ANXA7: variants seen among roughly 807,000 people sequenced by gnomAD.
ANXA7 encodes the protein annexin VII.
ANXA7 carries 55 observed loss-of-function variants against 64.9 expected under a neutral mutation model. That is an observed-to-expected ratio of 0.85 (90% CI 0.68 to 1.06). The LOEUF is 1.06. ANXA7 is among the 50% of genes least tolerant of loss of function. ANXA7 has a pLI of 0.00. For missense variants in ANXA7, 548 were observed against 582.1 expected, an observed-to-expected ratio of 0.94 and a Z score of 0.60; for synonymous variants, 200 against 192.4, an observed-to-expected ratio of 1.04 and a Z score of -0.33.
chr10:73,399,820 C>CAA (rs111273580), intron 2 of ANXA7, among the ~76,000 whole-genome samples: 1 of 150,140 alleles, frequency 6.7e-6, no homozygotes, highest in African/African-American at 2.5e-5. Context: ...GACTCCATCT[C>CAA]AAAAACAAAA....
chr10:73,377,826 C>CAT (rs373575890), intron 12 of ANXA7, among the ~76,000 whole-genome samples: 1 of 122,518 alleles, frequency 8.2e-6, no homozygotes, highest in Non-Finnish European at 1.7e-5. Flanking sequence ...TAGGTTTCAC[C>CAT]GTGTGTGTGT....
In ANXA7 at chr10:73,375,989, A is replaced by T. The variant is rs2055162631; in HGVS notation, c.*106T>A. The T allele has an allele frequency of 1.0e-6, 1 of 959,280 alleles. No individual in the cohort carries two copies. Among genetic ancestry groups the T allele is most frequent in the African/African-American group, 1.7e-5 (1 of 59,784 alleles). 59.4% of individuals were successfully genotyped at this position (959,280 alleles called of 1,614,324 possible). On this transcript the variant is annotated 3_prime_UTR_variant, in exon 13 of 13. Transcript: ENST00000372921. ...TACCCTGATACGGTCCTTGACAGAA[A>T]GCTCTTTCGGTTAGCTGATGTTTGA... is the stretch of plus-strand genomic sequence containing the variant.
In ANXA7 at chr10:73,383,167, A is replaced by G; in HGVS notation, c.918+8T>C. The G allele has an allele frequency of 4.3e-6, 7 of 1,609,864 alleles. No individual in the cohort carries two copies. The highest frequency in any genetic ancestry group is 5.9e-6 in the Non-Finnish European group (7 of 1,177,306). Reference sequence around the variant, plus strand: ...CTATCAACGCACAAGCATTCATACTATACTCACCTGGCACATGGACACAAG... The same window carrying G: ...CTATCAACGCACAAGCATTCATACTGTACTCACCTGGCACATGGACACAAG... On this transcript the variant is annotated splice_region_variant and intron_variant, in intron 9 of 12. Coordinates refer to ENST00000372921, the MANE Select transcript of ANXA7 (RefSeq NM_001156.5).
At chr10:73,408,766 AG>A (rs2055797199) in intron 1 of ANXA7, among the ~76,000 whole-genome samples, 1 of 152,258 alleles carries the variant, frequency 6.6e-6, no homozygotes, top group Admixed American at 6.5e-5. Context: ...TATATGTACA[AG>A]GCTATTCACT....
At chr10:73,379,324 T>C (rs2055236340) in intron 11 of ANXA7, among the ~76,000 whole-genome samples, 1 of 152,172 alleles carries the variant, frequency 6.6e-6, no homozygotes, top group Admixed American at 6.6e-5. Context: ...CTACTGCCCC[T>C]GGCCCAACAT....
chr10:73,379,997 G>T, intron 10 of ANXA7, 34 bp downstream of exon 10: 1 of 1,612,240 alleles, frequency 6.2e-7, no homozygotes, highest in Non-Finnish European at 8.5e-7. Context: ...GTATCTTACA[G>T]CAGAAGCCAA....
intron 11 of ANXA7, 72 bp downstream of exon 11, chr10:73,379,807 T>C: frequency 7.1e-7 from 1 of 1,414,790 alleles, no homozygotes. Context: ...TTATCAACAT[T>C]TAATGGGAAC....
intron 5 of ANXA7, among the ~76,000 whole-genome samples, chr10:73,393,067 C>T (rs1347588672): frequency 2.0e-5 from 3 of 152,088 alleles, no homozygotes; most frequent in African/African-American, 7.2e-5. Flanking sequence ...AACAGACAAA[C>T]AGAGAGCCAA....
chr10:73,376,242 C>T, intron 12 of ANXA7, 25 bp from the exon 13 acceptor site: 3 of 1,534,568 alleles, frequency 2.0e-6, no homozygotes, highest in Non-Finnish European at 2.6e-6. Context: ...ATATTTCTGT[C>T]AGAAAAACAT....
chr10:73,395,193 A>G (rs1385581857), intron 5 of ANXA7, among the ~76,000 whole-genome samples: 3 of 152,188 alleles, frequency 2.0e-5, no homozygotes, highest in African/African-American at 7.2e-5. Flanking sequence ...TTTGTCCTTC[A>G]CTAGTTGTGT....
intron 1 of ANXA7, among the ~76,000 whole-genome samples, chr10:73,409,554 G>C (rs1293248082): frequency 6.6e-6 from 1 of 152,186 alleles, no homozygotes; most frequent in African/African-American, 2.4e-5. Context: ...CATGCTCATG[G>C]ATTGAAAGAA....
At position 73,376,507 on chromosome 10, in the gene ANXA7, A is replaced by G. The variant is rs548275028; in HGVS notation, c.1279-290T>C. Reference sequence around the variant, plus strand: ...GGATGGCTATTATCAAAACCAAAAAAATAGTAAGTATTGGCAAGGATGCCA... The same window carrying G: ...GGATGGCTATTATCAAAACCAAAAAGATAGTAAGTATTGGCAAGGATGCCA... On this transcript the variant is annotated intron_variant, in intron 12 of 12. Coordinates refer to ENST00000372921, the MANE Select transcript of ANXA7 (RefSeq NM_001156.5). Among the ~76,000 whole-genome samples, 3 of 152,316 alleles carry G rather than the reference A, an allele frequency of 2.0e-5. No homozygotes were observed. The South Asian group carries it at 6.2e-4, about 32-fold the overall frequency.
At chr10:73,383,081 G>T in intron 9 of ANXA7, 94 bp downstream of exon 9, 1 of 1,174,798 alleles carries the variant, frequency 8.5e-7, no homozygotes, top group Non-Finnish European at 1.2e-6. Context: ...TTGCAAGGTG[G>T]CTAAATATTA....
rs779036745 is a variant in ANXA7 at position 73,397,235 on chromosome 10, G to C, written c.299C>G (p.Ala100Gly). 1 of 1,612,488 alleles carries C rather than the reference G, an allele frequency of 6.2e-7. No individual in the cohort carries two copies. The highest frequency in any genetic ancestry group is 1.7e-5 in the Admixed American group (1 of 59,920). Reference protein sequence around the residue: ...GQGFGVPPGGAGFSGYPQPPS... With the variant: ...GQGFGVPPGGGGFSGYPQPPS... The stretch of plus-strand genomic sequence containing the variant: ...TGGCTGTGGATACCCAGAAAAGCCT[G>C]CTCCACCTGGTGGGACTCCAAATCC... Residue 100 changes from alanine to glycine, a missense_variant, in exon 4 of 13, where the codon GCA (alanine) becomes GGA (glycine). Physicochemically the swap from Ala to Gly is moderately conservative, Grantham distance 60. Coordinates refer to ENST00000372921, the MANE Select transcript of ANXA7 (RefSeq NM_001156.5).
At chr10:73,383,456 T>A in intron 8 of ANXA7, 111 bp from the exon 9 acceptor site, 1 of 1,263,078 alleles carries the variant, frequency 7.9e-7, no homozygotes, top group Non-Finnish European at 1.1e-6. Flanking sequence ...TATATTCAGA[T>A]GGATGATGTG....
At chr10:73,406,690 C>T (rs1450090394) in intron 1 of ANXA7, among the ~76,000 whole-genome samples, 3 of 152,114 alleles carry the variant, frequency 2.0e-5, no homozygotes, top group Non-Finnish European at 4.4e-5. Flanking sequence ...TCATCTCAGT[C>T]TCCTGAAGAG....
intron 12 of ANXA7, among the ~76,000 whole-genome samples, chr10:73,377,160 T>G (rs1336790458): frequency 6.6e-5 from 10 of 152,238 alleles, no homozygotes; most frequent in African/African-American, 2.4e-4. Context: ...GTTATGTATA[T>G]TTTATCACAA....
intron 2 of ANXA7, 67 bp from the exon 3 acceptor site, chr10:73,398,452 G>A (rs1392827326): frequency 7.2e-7 from 1 of 1,385,708 alleles, no homozygotes. Flanking sequence ...TAAAAATAAG[G>A]AACAAACAGA....
chr10:73,401,325 G>A (rs2055662287), intron 1 of ANXA7, among the ~76,000 whole-genome samples: 1 of 151,914 alleles, frequency 6.6e-6, no homozygotes, highest in African/African-American at 2.4e-5. Context: ...AAAAGAGTCT[G>A]GCATAAAATT....
Sources: gnomAD v4.1 joint callset for allele counts (sites outside exome capture counted in the v4.1 genomes callset) on GRCh38, gnomAD v4.1.1 for gene constraint, MANE v1.5 for transcripts, NCBI Gene and HGNC (gene_info 2026-07-23, HGNC 2026-07-21) for gene names.